Variants in GHR observed in about 807,000 individuals in gnomAD.
GHR encodes growth hormone receptor, also known as GH receptor.
Under a neutral mutation model 67.1 loss-of-function variants are expected in GHR, and 35 were observed. The observed-to-expected ratio is 0.52, with a 90% CI of 0.40 to 0.69. GHR has a LOEUF of 0.69. Ranked by LOEUF, GHR falls within the 30% of genes least tolerant of loss-of-function variation. The probability of loss-of-function intolerance (pLI) is 0.00; values close to 1 mark genes in which losing one functional copy is unlikely to be tolerated. For synonymous variants in GHR, 272 were observed against 269.1 expected (o/e 1.01, Z -0.10); for missense variants, 792 against 764.6 (o/e 1.04, Z -0.42).
chr5:42,509,845 G>A (rs1055078792), intron 1 of GHR, among the ~76,000 whole-genome samples: 1 of 151,740 alleles, frequency 6.6e-6, no homozygotes, highest in Non-Finnish European at 1.5e-5. Flanking sequence ...GTATTTGCCT[G>A]TGCTCTAGCT....
intron 1 of GHR, chr5:42,549,608 G>A: frequency 6.7e-6 from 6 of 894,898 alleles, no homozygotes; most frequent in Non-Finnish European, 8.0e-6. Context: ...GAGGCAGCAG[G>A]GCCAGAGGTG....
chr5:42,663,830 G>C (rs948809456), intron 3 of GHR, among the ~76,000 whole-genome samples: 71 of 152,252 alleles, frequency 4.7e-4, no homozygotes, highest in Non-Finnish European at 9.0e-4. Context: ...TGACATGATT[G>C]TATATCTAGA....
intron 1 of GHR, among the ~76,000 whole-genome samples, chr5:42,462,706 TTG>T (rs36002763): frequency 1.3e-5 from 2 of 151,346 alleles, no homozygotes; most frequent in African/African-American, 2.4e-5. Flanking sequence ...GCGTGTGCTT[TTG>T]TGTGTGTGTG....
chr5:42,647,247 A>G (rs6882958), intron 3 of GHR, among the ~76,000 whole-genome samples: 12,478 of 152,126 alleles, frequency 0.082, 594 homozygotes, highest in Middle Eastern at 0.15. Context: ...TGATTAGCCA[A>G]TTGCAACTGA....
chr5:42,622,751 C>T (rs1028930746), intron 2 of GHR, among the ~76,000 whole-genome samples: 3 of 152,164 alleles, frequency 2.0e-5, no homozygotes, highest in Non-Finnish European at 2.9e-5. Flanking sequence ...CTTGCCAGAA[C>T]ATTGATTCTC....
In GHR at chr5:42,459,786, C is replaced by G. The variant is rs1412058805; in HGVS notation, c.-12+35831C>G. ...ATAAATAAGTCCCATTGTCCTAATC[C>G]GCTAGTGATGATGTTCTAGCCTTTG... On this transcript the variant is annotated intron_variant, in intron 1 of 9. Coordinates refer to ENST00000230882, the MANE Select transcript of GHR (RefSeq NM_000163.5). Among the ~76,000 whole-genome samples, 3 of 152,104 alleles carry G rather than the reference C, an allele frequency of 2.0e-5. No individual in the cohort carries two copies. In the East Asian group the frequency reaches 5.8e-4, roughly 29 times the overall value.
intron 1 of GHR, among the ~76,000 whole-genome samples, chr5:42,533,826 C>A (rs571105236): frequency 6.6e-6 from 1 of 151,496 alleles, no homozygotes; most frequent in South Asian, 2.1e-4. Flanking sequence ...ATCCCTCATC[C>A]CCCTCCCACC....
At chr5:42,684,720 A>C (rs916585045) in intron 3 of GHR, among the ~76,000 whole-genome samples, 14 of 152,214 alleles carry the variant, frequency 9.2e-5, no homozygotes, top group South Asian at 4.1e-4. Context: ...AACTCTTGTA[A>C]ATTTCTCCAT....
chr5:42,519,127 T>C (rs936083983), intron 1 of GHR, among the ~76,000 whole-genome samples: 17 of 152,196 alleles, frequency 1.1e-4, no homozygotes, highest in African/African-American at 4.1e-4. Flanking sequence ...ATATACTTTG[T>C]TCCTGGCAGC....
rs368538440 is a variant in GHR at position 42,599,602 on chromosome 5, A to AC, written c.71-29429dup. 8.8e-3 allele frequency among the ~76,000 whole-genome samples: 1,313 copies of AC among 149,404 alleles called. 14 individuals carry two copies. The highest frequency in any genetic ancestry group is 0.027 in the African/African-American group (1,088 of 40,556). ...TCTTGAACTCCTGACCTCGTGATCC[A>AC]CCCCCCCGCCTCTTGGCCTCCCAAA... On this transcript the variant is annotated intron_variant, in intron 2 of 9. Transcript: ENST00000230882.
intron 1 of GHR, among the ~76,000 whole-genome samples, chr5:42,520,986 C>T (rs1747449777): frequency 6.6e-6 from 1 of 152,182 alleles, no homozygotes; most frequent in South Asian, 2.1e-4. Context: ...GTCCTTTTCA[C>T]TGTTTTTCTT....
intron 2 of GHR, among the ~76,000 whole-genome samples, chr5:42,613,316 C>T (rs1752977374): frequency 6.6e-6 from 1 of 152,052 alleles, no homozygotes; most frequent in Admixed American, 6.6e-5. Flanking sequence ...TGTTGTTTCT[C>T]CGTGTGTGTT....
intron 6 of GHR, among the ~76,000 whole-genome samples, chr5:42,701,155 A>G (rs1359590561): frequency 6.6e-6 from 1 of 152,166 alleles, no homozygotes; most frequent in African/African-American, 2.4e-5. Flanking sequence ...CTAAAATATT[A>G]TTTTATTAAC....
chr5:42,472,840 A>C (rs1198260725), intron 1 of GHR, among the ~76,000 whole-genome samples: 1 of 152,186 alleles, frequency 6.6e-6, no homozygotes, highest in Admixed American at 6.5e-5. Context: ...TAGGAGGTAC[A>C]ACCAGGTCAT....
chr5:42,504,661 A>G (rs1746680563), intron 1 of GHR, among the ~76,000 whole-genome samples: 1 of 152,138 alleles, frequency 6.6e-6, no homozygotes, highest in African/African-American at 2.4e-5. Context: ...CGGGAGGCTG[A>G]GGCAGGAGAA....
At chr5:42,459,147 A>G (rs1181395503) in intron 1 of GHR, among the ~76,000 whole-genome samples, 2 of 152,220 alleles carry the variant, frequency 1.3e-5, no homozygotes, top group Non-Finnish European at 2.9e-5. Flanking sequence ...CAATAATCCC[A>G]TTATTGGATA....
In GHR at chr5:42,424,918, A is replaced by G. The variant is rs1378953855; in HGVS notation, c.-12+963A>G. 1.3e-6 allele frequency: 1 copy of G among 794,818 alleles called. No homozygotes were observed. The highest frequency in any genetic ancestry group is 1.5e-6 in the Non-Finnish European group (1 of 656,300). 49.2% of individuals were successfully genotyped at this position (794,818 alleles called of 1,614,324 possible). ...CGTGTGCGCTGTGTGTGCGCGCGCG[A>G]GTGTGCGCCTGGGGAGGCGTGTCGG... is the stretch of plus-strand genomic sequence containing the variant. On this transcript the variant is annotated intron_variant, in intron 1 of 9. Transcript: ENST00000230882. The surrounding 1 kb of genome is among the most constrained non-coding windows in gnomAD (Gnocchi z 4.1).
At chr5:42,571,533 G>A (rs1750314970) in intron 2 of GHR, among the ~76,000 whole-genome samples, 1 of 152,188 alleles carries the variant, frequency 6.6e-6, no homozygotes, top group Non-Finnish European at 1.5e-5. Flanking sequence ...GCCATGTGCT[G>A]GGCAGAGTCT....
chr5:42,645,390 T>C (rs981727724), intron 3 of GHR, among the ~76,000 whole-genome samples: 3 of 152,226 alleles, frequency 2.0e-5, no homozygotes, highest in Admixed American at 2.0e-4. Context: ...CAAGACTCTT[T>C]GGCCATGGAA....
Sources: gnomAD v4.1 joint callset for allele counts (sites outside exome capture counted in the v4.1 genomes callset) on GRCh38, gnomAD v4.1.1 for gene constraint, Gnocchi (gnomAD v3.1) non-coding constraint, MANE v1.5 for transcripts, NCBI Gene and HGNC (gene_info 2026-07-23, HGNC 2026-07-21) for gene names.